RALYL: variants seen among roughly 807,000 people sequenced by gnomAD.
RALYL encodes the protein RALY RNA binding protein like.
A neutral mutation model predicts 35.1 loss-of-function variants in RALYL; 29 were observed. That is an observed-to-expected ratio of 0.83 (90% CI 0.61 to 1.13). The LOEUF is 1.13. RALYL is among the 50% of genes most tolerant of loss of function. The pLI is 0.00. For synonymous variants in RALYL, 120 were observed against 127.6 expected, an observed-to-expected ratio of 0.94 and a Z score of 0.40; for missense variants, 359 against 360.4, an observed-to-expected ratio of 1.00 and a Z score of 0.03.
chr8:84,478,757 T>C (rs1297235637), intron 1 of RALYL, among the ~76,000 whole-genome samples: 1 of 151,754 alleles, frequency 6.6e-6, no homozygotes, highest in African/African-American at 2.4e-5. Flanking sequence ...ACAGAGGCTG[T>C]CTTCAGATAT....
At chr8:84,399,545 G>A (rs770549386) in intron 1 of RALYL, among the ~76,000 whole-genome samples, 8 of 152,090 alleles carry the variant, frequency 5.3e-5, no homozygotes, top group Non-Finnish European at 7.4e-5. Context: ...TTTATTTGTG[G>A]GCTATATTCA....
chr8:84,461,501 G>T (rs1468721638), intron 1 of RALYL, among the ~76,000 whole-genome samples: 1 of 151,620 alleles, frequency 6.6e-6, no homozygotes, highest in Non-Finnish European at 1.5e-5. Context: ...TAAACATTCA[G>T]ATAAACAACC....
chr8:84,605,768 T>C (rs1816986973), intron 2 of RALYL, among the ~76,000 whole-genome samples: 1 of 152,130 alleles, frequency 6.6e-6, no homozygotes, highest in South Asian at 2.1e-4. Flanking sequence ...TATGAACTCC[T>C]GCCTCAGTAA....
At chr8:84,521,605 A>G (rs1425711520) in intron 1 of RALYL, among the ~76,000 whole-genome samples, 1 of 152,200 alleles carries the variant, frequency 6.6e-6, no homozygotes, top group African/African-American at 2.4e-5. Flanking sequence ...ATGTTCCCCA[A>G]GAGATAGTTT....
intron 2 of RALYL, among the ~76,000 whole-genome samples, chr8:84,672,819 G>T (rs1833522778): frequency 6.6e-6 from 1 of 152,164 alleles, no homozygotes; most frequent in South Asian, 2.1e-4. Context: ...CCCATGACAT[G>T]TGGGGATTGT....
chr8:84,508,414 C>T (rs757124463), intron 1 of RALYL, among the ~76,000 whole-genome samples: 1 of 152,046 alleles, frequency 6.6e-6, no homozygotes, highest in Non-Finnish European at 1.5e-5. Flanking sequence ...AATATTTTAG[C>T]CTTAGTTCCT....
intron 5 of RALYL, among the ~76,000 whole-genome samples, chr8:84,851,281 A>G (rs1370402906): frequency 6.6e-6 from 1 of 150,522 alleles, no homozygotes; most frequent in African/African-American, 2.5e-5. Flanking sequence ...GATCATTGTT[A>G]TTATCATGCA....
At chr8:84,818,755 G>GT (rs1444289086) in intron 4 of RALYL, among the ~76,000 whole-genome samples, 1 of 152,194 alleles carries the variant, frequency 6.6e-6, no homozygotes, top group East Asian at 1.9e-4. Context: ...AGTTGCAGAA[G>GT]TTCAGGCATG....
chr8:84,487,527 A>G (rs960907551), intron 1 of RALYL, among the ~76,000 whole-genome samples: 4 of 152,108 alleles, frequency 2.6e-5, no homozygotes, highest in Admixed American at 6.6e-5. Flanking sequence ...ATTTGTTGCC[A>G]GTTTTTAAAT....
At chr8:84,305,977 A>G (rs1245636694) in intron 1 of RALYL, among the ~76,000 whole-genome samples, 2 of 152,152 alleles carry the variant, frequency 1.3e-5, no homozygotes, top group Non-Finnish European at 2.9e-5. Context: ...ATCCTGGCCA[A>G]CATAGTGAAA....
chr8:84,561,485 T>A (rs1278226720), intron 2 of RALYL, among the ~76,000 whole-genome samples: 1 of 151,674 alleles, frequency 6.6e-6, no homozygotes, highest in Admixed American at 6.6e-5. Context: ...CAGACAGTCC[T>A]GAGCCGTATG....
intron 2 of RALYL, among the ~76,000 whole-genome samples, chr8:84,752,876 G>C (rs1810413208): frequency 6.6e-6 from 1 of 152,182 alleles, no homozygotes; most frequent in Non-Finnish European, 1.5e-5. Context: ...TGCAGGGCTG[G>C]AGCCCTCATG....
At chr8:84,379,189 A>T (rs1857472107) in intron 1 of RALYL, among the ~76,000 whole-genome samples, 1 of 151,978 alleles carries the variant, frequency 6.6e-6, no homozygotes, top group Admixed American at 6.6e-5. Flanking sequence ...AAGAAATCTT[A>T]CTGTAGGAGG....
At chr8:84,395,436 G>A (rs571883576) in intron 1 of RALYL, among the ~76,000 whole-genome samples, 3 of 151,822 alleles carry the variant, frequency 2.0e-5, no homozygotes, top group African/African-American at 7.2e-5. Context: ...AAATACGTGA[G>A]GATTTCTGTG....
intron 1 of RALYL, among the ~76,000 whole-genome samples, chr8:84,373,087 G>A (rs1856230370): frequency 6.7e-6 from 1 of 149,664 alleles, no homozygotes; most frequent in Non-Finnish European, 1.5e-5. Context: ...TTTTTAATGG[G>A]GTTATTTTTT....
At chr8:84,439,899 C>A (rs995378902) in intron 1 of RALYL, among the ~76,000 whole-genome samples, 3 of 152,006 alleles carry the variant, frequency 2.0e-5, no homozygotes, top group African/African-American at 4.8e-5. Flanking sequence ...TCATGCATGT[C>A]GGTAATCTTC....
chr8:84,812,690 G>A (rs1826191043), intron 4 of RALYL, among the ~76,000 whole-genome samples: 1 of 152,064 alleles, frequency 6.6e-6, no homozygotes, highest in Non-Finnish European at 1.5e-5. Flanking sequence ...TGTCAGAGAA[G>A]TGGGAGAAAA....
At chr8:84,369,713 T>C (rs1330811091) in intron 1 of RALYL, among the ~76,000 whole-genome samples, 1 of 152,108 alleles carries the variant, frequency 6.6e-6, no homozygotes, top group Non-Finnish European at 1.5e-5. Flanking sequence ...GGAAAATAAA[T>C]GATACTAGTG....
At chr8:84,221,284 C>T (rs1402380317) in intron 1 of RALYL, among the ~76,000 whole-genome samples, 2 of 126,840 alleles carry the variant, frequency 1.6e-5, no homozygotes, top group African/African-American at 2.8e-5. Flanking sequence ...AAATGGAAAG[C>T]GGGTGTGTGT....
Sources: gnomAD v4.1 joint callset for allele counts (sites outside exome capture counted in the v4.1 genomes callset) on GRCh38, gnomAD v4.1.1 for gene constraint, MANE v1.5 for transcripts, NCBI Gene and HGNC (gene_info 2026-07-23, HGNC 2026-07-21) for gene names.